The following ATP2C1 variants were observed in gnomAD, a reference collection of about 807,000 sequenced individuals.
The protein encoded by ATP2C1 is calcium-transporting ATPase type 2C member 1.
Under a neutral mutation model 120.5 loss-of-function variants are expected in ATP2C1, and 31 were observed. The observed-to-expected ratio is 0.26, with a 90% CI of 0.19 to 0.35. The LOEUF is 0.35. Ranked by LOEUF, ATP2C1 falls within the 10% of genes least tolerant of loss-of-function variation. The pLI is 1.00. For synonymous variants in ATP2C1, 351 were observed against 358.7 expected (o/e 0.98, Z 0.24); for missense variants, 731 against 1,107.5 (o/e 0.66, Z 4.83).
intron 8 of ATP2C1, among the ~76,000 whole-genome samples, chr3:130,946,602 T>C (rs765900466): frequency 6.6e-6 from 1 of 152,218 alleles, no homozygotes; most frequent in Non-Finnish European, 1.5e-5. Flanking sequence ...TTCCTCCACG[T>C]TGGGTAAATC....
chr3:130,878,896 T>G (rs1397481424), intron 1 of ATP2C1, among the ~76,000 whole-genome samples: 1 of 152,212 alleles, frequency 6.6e-6, no homozygotes, highest in Non-Finnish European at 1.5e-5. Flanking sequence ...ATCTTTGAGC[T>G]TCCAGTATCT....
At chr3:130,971,300 G>A (rs1341474747) in intron 17 of ATP2C1, among the ~76,000 whole-genome samples, 3 of 152,124 alleles carry the variant, frequency 2.0e-5, no homozygotes. Flanking sequence ...TGGGAGTGGG[G>A]GACAGAAAGT....
At chr3:130,893,869 G>A (rs2069319303), upstream of ATP2C1, 22 of 958,984 alleles carry the variant, frequency 2.3e-5, no homozygotes, top group African/African-American at 3.5e-5. Flanking sequence ...CCTACCGGAC[G>A]GATCCAAACC....
At chr3:130,909,540 C>T (rs2058292221) in intron 2 of ATP2C1, among the ~76,000 whole-genome samples, 4 of 152,134 alleles carry the variant, frequency 2.6e-5, no homozygotes, top group Non-Finnish European at 4.4e-5. Context: ...AGAAATGTCA[C>T]CATAGTATGC....
In ATP2C1 at chr3:130,948,166, T is replaced by A. The variant is rs150267671; in HGVS notation, c.532-5655T>A. ...TTCATTGGAATTCTTTATGTCTTCA[T>A]ATGGCTTTGAGTTACTTTCTACTTT... On this transcript the variant is annotated intron_variant, in intron 8 of 27. Transcript: ENST00000510168. Among the ~76,000 whole-genome samples the A allele has an allele frequency of 4.5e-4, 69 of 152,320 alleles. 1 individual carries two copies. In the East Asian group the frequency reaches 0.013, roughly 28 times the overall value.
chr3:130,997,558 C>T (rs757236714), intron 24 of ATP2C1, 48 bp from the exon 25 acceptor site: 1 of 1,577,568 alleles, frequency 6.3e-7, no homozygotes, highest in South Asian at 1.1e-5. Flanking sequence ...AGTAACAAAT[C>T]CAGACCTTAA....
upstream of ATP2C1, among the ~76,000 whole-genome samples, chr3:130,891,344 C>T (rs1000813880): frequency 6.6e-6 from 1 of 152,118 alleles, no homozygotes; most frequent in African/African-American, 2.4e-5. Context: ...AAACAAGATA[C>T]CGCACACCCT....
At chr3:130,918,103 C>T in intron 2 of ATP2C1, 1 of 635,582 alleles carries the variant, frequency 1.6e-6, no homozygotes, top group East Asian at 2.7e-5. Flanking sequence ...TATCCGAGTA[C>T]AGGGTAATAT....
rs778835755 is a variant in ATP2C1, at chr3:130,965,057, GT to G, written c.1122+17del. ...GTCTGCATGCTGAGGTACTCTATAG[GT>G]TTTTAAAAACAAACAAAAACAGTAT... On this transcript the variant is annotated intron_variant, in intron 14 of 27. Transcript: ENST00000510168. 1.9e-6 allele frequency: 3 copies of G among 1,591,470 alleles called. No individual in the cohort carries two copies. In the African/African-American group the frequency reaches 4.0e-5, roughly 21 times the overall value.
chr3:130,935,066 C>G (rs2059609507), intron 5 of ATP2C1, among the ~76,000 whole-genome samples: 2 of 152,096 alleles, frequency 1.3e-5, no homozygotes, highest in Admixed American at 6.5e-5. Flanking sequence ...CTCCTGGCTT[C>G]AAGTGATTCT....
intron 11 of ATP2C1, among the ~76,000 whole-genome samples, chr3:130,958,843 A>T (rs573138669): frequency 1.5e-4 from 23 of 152,226 alleles, no homozygotes; most frequent in Admixed American, 1.2e-3. Context: ...AAGTGTCTGG[A>T]TATTGTGTTA....
At chr3:130,878,552 C>T (rs1443517838) in intron 1 of ATP2C1, among the ~76,000 whole-genome samples, 1 of 152,118 alleles carries the variant, frequency 6.6e-6, no homozygotes, top group Non-Finnish European at 1.5e-5. Context: ...AAATGTGGGA[C>T]TTTCTTAAGC....
Position 130,980,572 on chromosome 3 carries a change from T to C in ATP2C1, c.1742-10T>C. The C allele has an allele frequency of 1.2e-6, 2 of 1,607,630 alleles. No homozygotes were observed. Among genetic ancestry groups the C allele is most frequent in the Non-Finnish European group, 1.7e-6 (2 of 1,174,456 alleles). On this transcript the variant is annotated splice_polypyrimidine_tract_variant and intron_variant, in intron 19 of 27. Coordinates refer to ENST00000510168, the MANE Select transcript of ATP2C1 (RefSeq NM_001378687.1). ...TTGGTTTATTACATTTTCTCTCTCA[T>C]TTGCTTTAGCCAGTCGTCTGGGATT...
At chr3:130,986,459 ATAGT>A (rs1168342037) in intron 20 of ATP2C1, among the ~76,000 whole-genome samples, 4 of 152,174 alleles carry the variant, frequency 2.6e-5, no homozygotes, top group Non-Finnish European at 4.4e-5. Flanking sequence ...CCAACCAAAG[ATAGT>A]TAGGGAAGAA....
chr3:130,918,293 C>A (rs1166458212), intron 2 of ATP2C1: 1 of 1,553,968 alleles, frequency 6.4e-7, no homozygotes, highest in Non-Finnish European at 8.9e-7. Flanking sequence ...TGCATAGCAC[C>A]CTTTACAATA....
intron 11 of ATP2C1, among the ~76,000 whole-genome samples, 178 bp downstream of exon 11, chr3:130,956,357 C>CT (rs1265972442): frequency 1.3e-5 from 2 of 152,036 alleles, no homozygotes; most frequent in African/African-American, 4.8e-5. Context: ...AAATAGAACT[C>CT]TGATTCTTGT....
At chr3:130,906,032 T>C (rs2058105725) in intron 2 of ATP2C1, among the ~76,000 whole-genome samples, 1 of 152,120 alleles carries the variant, frequency 6.6e-6, no homozygotes, top group African/African-American at 2.4e-5. Context: ...CTCATAGCTG[T>C]GGTAAATCAT....
chr3:130,957,448 A>G (rs1293241930), intron 11 of ATP2C1, among the ~76,000 whole-genome samples: 1 of 152,004 alleles, frequency 6.6e-6, no homozygotes, highest in African/African-American at 2.4e-5. Flanking sequence ...TCACGTTTTT[A>G]TCACACATTA....
chr3:130,947,006 T>C (rs866231096), intron 8 of ATP2C1, among the ~76,000 whole-genome samples: 21 of 152,352 alleles, frequency 1.4e-4, no homozygotes, highest in Middle Eastern at 3.4e-3. Flanking sequence ...ACAACTGTGA[T>C]TCAAAGAATG....
Sources: allele counts gnomAD v4.1 joint callset (sites outside exome capture counted in the v4.1 genomes callset), GRCh38; gene constraint gnomAD v4.1.1; transcripts MANE v1.5; gene names NCBI Gene and HGNC (gene_info 2026-07-23, HGNC 2026-07-21).